SDK1: variants seen among roughly 807,000 people sequenced by gnomAD.
The protein encoded by SDK1 is sidekick cell adhesion molecule 1.
Under a neutral mutation model 245.5 loss-of-function variants are expected in SDK1, and 157 were observed. The ratio of observed to expected loss-of-function variants is 0.64; its 90% CI spans 0.56 to 0.73. The LOEUF is 0.73. Among genes scored for constraint, SDK1 ranks in the 30% least tolerant of loss-of-function variants. SDK1 has a pLI of 0.00. For synonymous variants in SDK1, 1,647 were observed against 1,278.5 expected, an observed-to-expected ratio of 1.29 and a Z score of -6.15; for missense variants, 3,583 against 3,002.3, an observed-to-expected ratio of 1.19 and a Z score of -4.52.
chr7:4,140,572 A>AGG (rs34298986), intron 28 of SDK1, among the ~76,000 whole-genome samples: 1 of 151,990 alleles, frequency 6.6e-6, no homozygotes, highest in African/African-American at 2.4e-5. Context: ...ATACTGCAGC[A>AGG]GGGGGGAGCT....
At chr7:4,049,569 A>G (rs1789287928) in intron 18 of SDK1, 106 bp downstream of exon 18, 1 of 824,256 alleles carries the variant, frequency 1.2e-6, no homozygotes, top group Non-Finnish European at 2.0e-6. Flanking sequence ...TGGTTGCATT[A>G]AGATACAGGG....
intron 22 of SDK1, among the ~76,000 whole-genome samples, chr7:4,097,376 G>A (rs1030140758): frequency 1.3e-5 from 2 of 152,214 alleles, no homozygotes; most frequent in African/African-American, 2.4e-5. Context: ...GTGAGAGCAG[G>A]GACTTTGTCT....
chr7:3,984,729 AG>A (rs1449239397), intron 13 of SDK1, among the ~76,000 whole-genome samples: 1 of 152,024 alleles, frequency 6.6e-6, no homozygotes, highest in African/African-American at 2.4e-5. Context: ...ACCCACCTTT[AG>A]TTTCACGGCC....
chr7:3,470,036 C>G (rs1402083344), intron 1 of SDK1, among the ~76,000 whole-genome samples: 1 of 152,072 alleles, frequency 6.6e-6, no homozygotes, highest in Non-Finnish European at 1.5e-5. Context: ...GCTTTTCTTT[C>G]ATTCATTTTT....
At chr7:3,655,846 G>A (rs1204002813) in intron 4 of SDK1, among the ~76,000 whole-genome samples, 2 of 152,008 alleles carry the variant, frequency 1.3e-5, no homozygotes, top group Admixed American at 6.6e-5. Flanking sequence ...GTGTGACCTT[G>A]GGAAGATCAG....
intron 5 of SDK1, among the ~76,000 whole-genome samples, chr7:3,824,847 A>G (rs778522518): frequency 2.0e-5 from 3 of 152,168 alleles, no homozygotes; most frequent in Non-Finnish European, 2.9e-5. Context: ...CCTGCTGTTT[A>G]GTGCATATTT....
intron 5 of SDK1, among the ~76,000 whole-genome samples, chr7:3,829,429 C>G (rs372063452): frequency 1.8e-3 from 274 of 152,218 alleles, no homozygotes; most frequent in African/African-American, 6.1e-3. Context: ...TTAGATTCCA[C>G]GACAGCCCTG....
chr7:4,221,155 A>AC (rs978559517), intron 39 of SDK1, 84 bp from the exon 40 acceptor site: 6 of 1,534,650 alleles, frequency 3.9e-6, no homozygotes, highest in East Asian at 2.3e-5. Context: ...GACCGGTCTG[A>AC]CCCCCCACTG....
rs374086176 is a variant in SDK1, at chr7:3,854,557, G to C, written c.847+32974G>C. 9.3e-4 allele frequency among the ~76,000 whole-genome samples: 142 copies of C among 152,260 alleles called. 1 individual carries two copies. The highest frequency in any genetic ancestry group is 3.1e-3 in the African/African-American group (130 of 41,548). On this transcript the variant is annotated intron_variant, in intron 5 of 44. Transcript: ENST00000404826. ...CCATATTCCGTAATGCCAACACGAA[G>C]ATCTTTCAATGAGAATGAAATGCAA...
chr7:3,399,951 G>C (rs781219778), intron 1 of SDK1, among the ~76,000 whole-genome samples: 1 of 152,094 alleles, frequency 6.6e-6, no homozygotes, highest in Non-Finnish European at 1.5e-5. Context: ...GATTGTTTTT[G>C]ACAAATGCCC....
chr7:4,090,533 C>T (rs75056759), intron 22 of SDK1, among the ~76,000 whole-genome samples: 4,660 of 152,252 alleles, frequency 0.031, 102 homozygotes, highest in Non-Finnish European at 0.046. Context: ...CTCCATTTGG[C>T]GATTTGGGGG....
At chr7:3,355,556 A>G (rs766018194) in intron 1 of SDK1, among the ~76,000 whole-genome samples, 1 of 151,998 alleles carries the variant, frequency 6.6e-6, no homozygotes, top group Admixed American at 6.5e-5. Flanking sequence ...TCTTTGCATC[A>G]CCTTCTTAGA....
intron 1 of SDK1, among the ~76,000 whole-genome samples, chr7:3,492,654 C>G (rs1354338508): frequency 6.6e-5 from 10 of 152,238 alleles, no homozygotes; most frequent in African/African-American, 2.4e-4. Context: ...CCACAGTTCA[C>G]AGGTAACAAG....
At chr7:4,022,085 A>C (rs1583854308) in intron 17 of SDK1, among the ~76,000 whole-genome samples, 1 of 152,340 alleles carries the variant, frequency 6.6e-6, no homozygotes, top group East Asian at 1.9e-4. Context: ...CTGATTGTCA[A>C]GGCAGCCTAG....
chr7:3,653,717 C>T lies in SDK1; in HGVS notation c.713+11612C>T, dbSNP rs181163718. On this transcript the variant is annotated intron_variant, in intron 4 of 44. Coordinates refer to ENST00000404826, the MANE Select transcript of SDK1 (RefSeq NM_152744.4). ...GAAGAGGAGAAACGGGTTGGGAGTGCTGGCTCACAGCTGTGATGAGGGTTT... is the reference window on the plus strand; with the variant it reads ...GAAGAGGAGAAACGGGTTGGGAGTGTTGGCTCACAGCTGTGATGAGGGTTT... 6.8e-3 allele frequency among the ~76,000 whole-genome samples: 1,029 copies of T among 152,242 alleles called. 4 individuals carry two copies. Among genetic ancestry groups the T allele is most frequent in the Admixed American group, 9.1e-3 (139 of 15,288 alleles).
At chr7:3,776,216 C>T (rs1780556149) in intron 4 of SDK1, among the ~76,000 whole-genome samples, 1 of 152,204 alleles carries the variant, frequency 6.6e-6, no homozygotes, top group Non-Finnish European at 1.5e-5. Flanking sequence ...TGTCTGTCTT[C>T]AGAAGAGAGA....
intron 1 of SDK1, among the ~76,000 whole-genome samples, chr7:3,416,409 C>T (rs556989514): frequency 7.9e-5 from 12 of 151,266 alleles, no homozygotes; most frequent in Admixed American, 3.3e-4. Flanking sequence ...TTGGAAAGCT[C>T]GGGGCTTGAC....
chr7:3,643,966 G>C (rs550193297), intron 4 of SDK1, among the ~76,000 whole-genome samples: 3 of 150,804 alleles, frequency 2.0e-5, no homozygotes, highest in East Asian at 3.9e-4. Flanking sequence ...ACAGTGGCGT[G>C]ATCTCAGCTC....
chr7:4,181,311 T>C (rs1233081569), intron 35 of SDK1, among the ~76,000 whole-genome samples: 1 of 152,254 alleles, frequency 6.6e-6, no homozygotes, highest in Non-Finnish European at 1.5e-5. Flanking sequence ...TCCCATTGCA[T>C]GCATTTACCG....
Sources: gnomAD v4.1 joint callset for allele counts (sites outside exome capture counted in the v4.1 genomes callset) on GRCh38, gnomAD v4.1.1 for gene constraint, MANE v1.5 for transcripts, NCBI Gene and HGNC (gene_info 2026-07-23, HGNC 2026-07-21) for gene names.